The following NOTCH2 variants were observed in gnomAD, a reference collection of about 807,000 sequenced individuals.
The protein encoded by NOTCH2 is notch receptor 2.
NOTCH2 carries 29 observed loss-of-function variants against 235.8 expected under a neutral mutation model. The ratio of observed to expected loss-of-function variants is 0.12; its 90% CI spans 0.09 to 0.17. NOTCH2 has a LOEUF of 0.17. Ranked by LOEUF, NOTCH2 falls within the 10% of genes least tolerant of loss-of-function variation. The probability of loss-of-function intolerance (pLI) is 1.00; values close to 1 mark genes in which losing one functional copy is unlikely to be tolerated. For missense variants in NOTCH2, 2,285 were observed against 3,150.2 expected (o/e 0.73, Z 6.57); for synonymous variants, 1,086 against 1,141.5 (o/e 0.95, Z 0.98).
chr1:119,937,162 T>G, intron 21 of NOTCH2, 120 bp downstream of exon 21: 1 of 995,024 alleles, frequency 1.0e-6, no homozygotes, highest in Non-Finnish European at 1.6e-6. Flanking sequence ...TGACGGGGAT[T>G]GGTAAAAATC....
intron 15 of NOTCH2, 64 bp downstream of exon 15, chr1:119,950,660 T>A: frequency 9.9e-7 from 1 of 1,012,716 alleles, no homozygotes; most frequent in Non-Finnish European, 1.6e-6. Flanking sequence ...GCACTGAGAC[T>A]CAGGCACTGA....
intron 3 of NOTCH2, among the ~76,000 whole-genome samples, chr1:119,999,642 G>A (rs1443685180): frequency 3.3e-5 from 5 of 152,074 alleles, no homozygotes; most frequent in South Asian, 4.2e-4. Flanking sequence ...AGCACTTTGG[G>A]AGGCTGAGGT....
In NOTCH2 at chr1:119,940,584, G is replaced by T. The variant is rs1417119248; in HGVS notation, c.3154C>A (p.Pro1052Thr). Residue 1052 changes from proline (P) to threonine (T), a missense_variant, in exon 19 of 34, where the codon CCC becomes ACC. Physicochemically the swap from Pro to Thr is conservative, Grantham distance 38. Coordinates refer to ENST00000256646, the MANE Select transcript of NOTCH2 (RefSeq NM_024408.4). ...CAGTTTTTCCCAGTGTAGCCCAGGG[G>T]GCAGCTGCAGCGGTAGGTACCCAGG... ...DGLGTYRCSC[P>T]LGYTGKNCQT... 24 of 1,613,916 alleles carry T rather than the reference G, an allele frequency of 1.5e-5. No homozygotes were observed. Among genetic ancestry groups the T allele is most frequent in the Non-Finnish European group, 1.9e-5 (22 of 1,179,938 alleles).
rs1553198099 is a variant in NOTCH2 at position 119,953,695 on chromosome 1, G to C, written c.2220-7C>G. On this transcript the variant is annotated splice_polypyrimidine_tract_variant and splice_region_variant and intron_variant, in intron 13 of 33. Coordinates refer to ENST00000256646, the MANE Select transcript of NOTCH2 (RefSeq NM_024408.4). ...ATCACAGAGACACTTATATCTGAAA[G>C]AAGACAAAACTTTTTACTATAGGAG... 1 of 1,613,946 alleles carries C rather than the reference G, an allele frequency of 6.2e-7. No homozygotes were observed. Among genetic ancestry groups the C allele is most frequent in the Non-Finnish European group, 8.5e-7 (1 of 1,179,858 alleles).
At chr1:120,004,923 C>T (rs1170209347) in intron 3 of NOTCH2, among the ~76,000 whole-genome samples, 5 of 152,110 alleles carry the variant, frequency 3.3e-5, no homozygotes, top group Non-Finnish European at 5.9e-5. Context: ...CAGGTGCACA[C>T]CACCACACAT....
At position 119,913,622 on chromosome 1, in the gene NOTCH2, T is replaced by G; in HGVS notation, c.*1684A>C. 1 of 233,226 alleles carries G rather than the reference T, an allele frequency of 4.3e-6. No individual in the cohort carries two copies. Among genetic ancestry groups the G allele is most frequent in the Non-Finnish European group, 8.5e-6 (1 of 118,040 alleles). 14.4% of individuals were successfully genotyped at this position (233,226 alleles called of 1,614,324 possible). A position where few individuals can be genotyped will look rare whatever the true frequency, so the allele number is the denominator to read the frequency against. On this transcript the variant is annotated 3_prime_UTR_variant, in exon 34 of 34. Transcript: ENST00000256646. Reference sequence around the variant, plus strand: ...CAATTAACTAAAATGCTTCTGCCCTTAAAAGAAAGTCAAAGAAATTGCCAA... The same window carrying G: ...CAATTAACTAAAATGCTTCTGCCCTGAAAAGAAAGTCAAAGAAATTGCCAA...
At chr1:119,921,880 C>T (rs1225758817) in intron 28 of NOTCH2, 71 bp from the exon 29 acceptor site, 2 of 1,215,484 alleles carry the variant, frequency 1.6e-6, no homozygotes, top group Admixed American at 1.7e-5. Flanking sequence ...CAACACTTTC[C>T]ACCATGACAC....
chr1:119,923,748 G>A lies in NOTCH2; in HGVS notation c.4748C>T (p.Ser1583Phe), dbSNP rs1392252497. Reference protein sequence around the residue: ...LHTNLRIKRDSQGELMVYPYY... With the variant: ...LHTNLRIKRDFQGELMVYPYY... ...GGGGTACACCATGAGTTCCCCCTGGGAGTCCCGCTTAATGCGCAGGTTGGT... is the reference window on the plus strand; with the variant it reads ...GGGGTACACCATGAGTTCCCCCTGGAAGTCCCGCTTAATGCGCAGGTTGGT... The change falls in exon 26 of 34, where the codon TCC becomes TTC. Residue 1583 changes from serine (S) to phenylalanine (F), a missense_variant. Transcript: ENST00000256646. The A allele has an allele frequency of 6.2e-7, 1 of 1,614,038 alleles. No individual in the cohort carries two copies. Among genetic ancestry groups the A allele is most frequent in the Non-Finnish European group, 8.5e-7 (1 of 1,180,028 alleles).
At chr1:119,928,601 A>G (rs2493394) in intron 23 of NOTCH2, among the ~76,000 whole-genome samples, 25,553 of 152,190 alleles carry the variant, frequency 0.17, 2,978 homozygotes, top group African/African-American at 0.33. Context: ...GTACTAAACA[A>G]TGCCACTGAA....
intron 5 of NOTCH2, among the ~76,000 whole-genome samples, chr1:119,978,184 G>C (rs1419025761): frequency 6.6e-6 from 1 of 151,666 alleles, no homozygotes; most frequent in Non-Finnish European, 1.5e-5. Context: ...GTGGAGTGCG[G>C]AGTATTTCAG....
At chr1:120,002,952 A>C (rs1296330474) in intron 3 of NOTCH2, among the ~76,000 whole-genome samples, 3 of 149,044 alleles carry the variant, frequency 2.0e-5, no homozygotes, top group Non-Finnish European at 4.4e-5. Context: ...GTTCAAGTTG[A>C]CAAGGGGTAG....
chr1:119,929,303 T>C lies in NOTCH2; in HGVS notation c.3656-91A>G. ...ACCACCCTTGTTGGCATTTTCACAA[T>C]GAATCAGAGTATACTCCTCAACTGG... On this transcript the variant is annotated intron_variant, in intron 22 of 33. Transcript: ENST00000256646. The C allele has an allele frequency of 4.9e-6, 5 of 1,028,862 alleles. 1 individual carries two copies. In the South Asian group the frequency reaches 6.5e-5, roughly 13 times the overall value. The allele number at this position is 1,028,862 out of a possible 1,614,324, so 63.7% of individuals were successfully genotyped here.
In NOTCH2 at chr1:119,916,384, G is replaced by A. The variant is rs767621140; in HGVS notation, c.6338C>T (p.Pro2113Leu). Residue 2113 changes from proline (P) to leucine (L), a missense_variant, in exon 34 of 34, where the codon CCT (proline) becomes CTT (leucine). Pro to Leu is a moderately conservative substitution (Grantham distance 98, BLOSUM62 -3). Around this residue, in one of 6 missense-constraint regions of NOTCH2, gnomAD observed 504 missense variants for 538.0 expected, o/e 0.94. Coordinates refer to ENST00000256646, the MANE Select transcript of NOTCH2 (RefSeq NM_024408.4). ...CTTGGCAAGGTTAGGGAGGCTAGTA[G>A]GCATGGTACTCTTGGCACTGGGCCG... is the stretch of plus-strand genomic sequence containing the variant. ...SRRPSAKSTM[P>L]TSLPNLAKEA... 9.3e-6 allele frequency: 15 copies of A among 1,614,086 alleles called. No homozygotes were observed. The highest frequency in any genetic ancestry group is 6.7e-5 in the African/African-American group (5 of 74,938).
chr1:119,944,344 G>A (rs587764262), intron 17 of NOTCH2, among the ~76,000 whole-genome samples: 5 of 152,072 alleles, frequency 3.3e-5, no homozygotes, highest in African/African-American at 1.2e-4. Flanking sequence ...GACCACCCTG[G>A]CTAACACGGT....
rs1649363859 is a variant in NOTCH2, at chr1:119,923,661, C to T, written c.4835G>A (p.Gly1612Asp). 4 of 1,614,028 alleles carry T rather than the reference C, an allele frequency of 2.5e-6. No individual in the cohort carries two copies. Among genetic ancestry groups the T allele is most frequent in the Non-Finnish European group, 3.4e-6 (4 of 1,180,024 alleles). The change falls in exon 26 of 34, where the codon GGT becomes GAT. Residue 1612 changes from glycine (G) to aspartate (D), a missense_variant. Around this residue, in one of 6 missense-constraint regions of NOTCH2, gnomAD observed 1,173 missense variants for 1,515.3 expected, o/e 0.77. Transcript: ENST00000256646. ...CCCAGCCACCTCCTGTTCTTGTTCACCAGGAAGGGATCTGCGTGTCATCCT... is the reference window on the plus strand; with the variant it reads ...CCCAGCCACCTCCTGTTCTTGTTCATCAGGAAGGGATCTGCGTGTCATCCT... Reference protein sequence around the residue: ...KQRMTRRSLPGEQEQEVAGSK... With the variant: ...KQRMTRRSLPDEQEQEVAGSK...
rs1221201713 is a variant in NOTCH2, at chr1:119,915,778, A to T, written c.6944T>A (p.Ile2315Asn). Residue 2315 changes from isoleucine (I) to asparagine (N), a missense_variant, in exon 34 of 34, where the codon ATT (isoleucine) becomes AAT (asparagine). Ile to Asn is a moderately radical substitution (Grantham distance 149, BLOSUM62 -3). Around this residue, in one of 6 missense-constraint regions of NOTCH2, gnomAD observed 504 missense variants for 538.0 expected, o/e 0.94. Coordinates refer to ENST00000256646, the MANE Select transcript of NOTCH2 (RefSeq NM_024408.4). ...CTGGGGAGCCCCCGCTGGTTGGGCA[A>T]TACTGCCTTTAGGGATGAGCTGGAA... ...VTFQLIPKGS[I>N]AQPAGAPQPQ... is the part of the protein sequence containing the mutation. 6.2e-7 allele frequency: 1 copy of T among 1,610,632 alleles called. No individual in the cohort carries two copies. The highest frequency in any genetic ancestry group is 8.5e-7 in the Non-Finnish European group (1 of 1,177,568).
intron 3 of NOTCH2, among the ~76,000 whole-genome samples, chr1:120,003,963 A>G (rs1271920145): frequency 1.1e-4 from 17 of 152,284 alleles, no homozygotes; most frequent in African/African-American, 3.6e-4. Flanking sequence ...AAAAGATGTA[A>G]AGTCTAGGCT....
At chr1:119,956,276 C>T (rs1309613584) in intron 12 of NOTCH2, among the ~76,000 whole-genome samples, 1 of 152,064 alleles carries the variant, frequency 6.6e-6, no homozygotes, top group Non-Finnish European at 1.5e-5. Context: ...TTAAAATTAC[C>T]TATAATTCTA....
intron 11 of NOTCH2, among the ~76,000 whole-genome samples, chr1:119,959,749 G>A (rs182582390): frequency 4.5e-4 from 69 of 152,270 alleles, no homozygotes; most frequent in Admixed American, 1.1e-3. Flanking sequence ...TCAAACTGAT[G>A]GTGCAGAGGC....
Sources: gnomAD v4.1 joint callset for allele counts (sites outside exome capture counted in the v4.1 genomes callset) on GRCh38, gnomAD v4.1.1 for gene constraint, gnomAD v4.1.1 regional missense constraint, MANE v1.5 for transcripts, NCBI Gene and HGNC (gene_info 2026-07-23, HGNC 2026-07-21) for gene names.